RBPJ: variants seen among roughly 807,000 people sequenced by gnomAD.
The protein encoded by RBPJ is recombining binding protein suppressor of hairless.
RBPJ carries 9 observed loss-of-function variants against 67.8 expected under a neutral mutation model. The ratio of observed to expected loss-of-function variants is 0.13; its 90% confidence interval spans 0.08 to 0.23. The LOEUF (loss-of-function observed/expected upper bound fraction) is 0.23. Among genes scored for constraint, RBPJ ranks in the 10% least tolerant of loss-of-function variants. The probability of loss-of-function intolerance (pLI) is 1.00; values close to 1 mark genes in which losing one functional copy is unlikely to be tolerated. For missense variants in RBPJ, 305 were observed against 595.6 expected (o/e 0.51, Z 5.08); for synonymous variants, 198 against 203.3 (o/e 0.97, Z 0.22).
chr4:26,220,049 C>A (rs1482059337), intron 1 of RBPJ, among the ~76,000 whole-genome samples: 1 of 152,048 alleles, frequency 6.6e-6, no homozygotes, highest in Non-Finnish European at 1.5e-5. Flanking sequence ...TCCCGAAGTG[C>A]TGGGATTACA....
chr4:26,269,897 A>C (rs1476697594), intron 1 of RBPJ, among the ~76,000 whole-genome samples: 1 of 152,202 alleles, frequency 6.6e-6, no homozygotes, highest in Non-Finnish European at 1.5e-5. Context: ...CCCAGGCCTC[A>C]GTAAAAAGCA....
intron 1 of RBPJ, among the ~76,000 whole-genome samples, chr4:26,313,358 G>C (rs10015035): frequency 0.67 from 101,507 of 151,948 alleles, 34,215 homozygotes; most frequent in African/African-American, 0.75. Context: ...AGGGAGAAAC[G>C]CCATCTCTAC....
chr4:26,299,512 G>C (rs1401905035), intron 1 of RBPJ, among the ~76,000 whole-genome samples: 4 of 152,004 alleles, frequency 2.6e-5, no homozygotes, highest in Non-Finnish European at 5.9e-5. Context: ...ATTTTAGGCT[G>C]TTTTCCTCTT....
At chr4:26,165,872 C>G (rs947949404) in intron 1 of RBPJ, among the ~76,000 whole-genome samples, 2 of 130,374 alleles carry the variant, frequency 1.5e-5, no homozygotes, top group Admixed American at 1.6e-4. Context: ...CCCCCTCCCC[C>G]CACCCCACAA....
chr4:26,230,328 C>A, intron 1 of RBPJ, among the ~76,000 whole-genome samples: 1 of 152,270 alleles, frequency 6.6e-6, no homozygotes, highest in Non-Finnish European at 1.5e-5. Flanking sequence ...TTTTAACTTA[C>A]ACACTCATAA....
At chr4:26,300,606 A>G (rs1359578117) in intron 1 of RBPJ, among the ~76,000 whole-genome samples, 3 of 152,192 alleles carry the variant, frequency 2.0e-5, no homozygotes, top group Non-Finnish European at 4.4e-5. Context: ...CCTCTCTAGC[A>G]CTGATCACTC....
At chr4:26,309,217 A>G (rs1000789493) in intron 1 of RBPJ, among the ~76,000 whole-genome samples, 18 of 151,912 alleles carry the variant, frequency 1.2e-4, no homozygotes, top group Non-Finnish European at 2.4e-4. Flanking sequence ...GGGTTGTCCT[A>G]TGTTGCCCAG....
chr4:26,141,093 G>T, the RBPJ span, among the ~76,000 whole-genome samples: 1 of 152,094 alleles, frequency 6.6e-6, no homozygotes, highest in Non-Finnish European at 1.5e-5. Context: ...TTACTATCTT[G>T]GGCCTCAGCC....
At chr4:26,375,924 A>T (rs1456646257) in intron 1 of RBPJ, among the ~76,000 whole-genome samples, 1 of 152,020 alleles carries the variant, frequency 6.6e-6, no homozygotes, top group East Asian at 1.9e-4. Flanking sequence ...ATTTATATTC[A>T]TACATATACT....
chr4:26,279,094 A>G (rs924100986), intron 1 of RBPJ, among the ~76,000 whole-genome samples: 1 of 152,230 alleles, frequency 6.6e-6, no homozygotes, highest in African/African-American at 2.4e-5. Context: ...TGAAGCACCC[A>G]GCACAGTGCC....
chr4:26,220,456 G>A (rs1407639790), intron 1 of RBPJ, among the ~76,000 whole-genome samples: 2 of 152,120 alleles, frequency 1.3e-5, no homozygotes, highest in African/African-American at 2.4e-5. Context: ...AATGGGCCAG[G>A]CATCATTGTA....
intron 1 of RBPJ, among the ~76,000 whole-genome samples, chr4:26,382,014 A>C (rs1029149967): frequency 5.9e-5 from 9 of 152,114 alleles, no homozygotes; most frequent in Non-Finnish European, 1.5e-5. Context: ...TGGAGTTAAA[A>C]GGGCCCCTAG....
chr4:26,140,648 T>G, the RBPJ span, among the ~76,000 whole-genome samples: 2 of 61,938 alleles, frequency 3.2e-5, no homozygotes, highest in Non-Finnish European at 2.9e-5. Context: ...CCAAATCACA[T>G]TGCCTCTGAT....
intron 1 of RBPJ, among the ~76,000 whole-genome samples, chr4:26,311,264 C>G (rs982854252): frequency 6.6e-6 from 1 of 151,906 alleles, no homozygotes; most frequent in Non-Finnish European, 1.5e-5. Context: ...GGGCCAGGCG[C>G]GGTGGCTCAC....
intron 1 of RBPJ, among the ~76,000 whole-genome samples, chr4:26,209,098 A>AAATATATAT (rs1553848907): frequency 6.8e-6 from 1 of 146,962 alleles, no homozygotes; most frequent in African/African-American, 2.5e-5. Flanking sequence ...GAAGAAAAAA[A>AAATATATAT]ATATATATAT....
intron 1 of RBPJ, among the ~76,000 whole-genome samples, chr4:26,173,205 G>A (rs996212809): frequency 6.6e-6 from 1 of 151,678 alleles, no homozygotes; most frequent in African/African-American, 2.4e-5. Flanking sequence ...GTACGATCTC[G>A]GCTCACTGCA....
chr4:26,361,964 A>T lies in RBPJ; in HGVS notation c.21-24389A>T, dbSNP rs929412500. On this transcript the variant is annotated intron_variant, in intron 1 of 10. Transcript: ENST00000355476. Reference sequence around the variant, plus strand: ...ATGCCACTATAGAAGTAATCTTTAGAAACTGGAGCTGTTTTCAGTTTAATG... The same window carrying T: ...ATGCCACTATAGAAGTAATCTTTAGTAACTGGAGCTGTTTTCAGTTTAATG... Among the ~76,000 whole-genome samples the T allele has an allele frequency of 3.9e-5, 6 of 152,298 alleles. No homozygotes were observed. The East Asian group carries it at 1.2e-3, about 29-fold the overall frequency.
Position 26,286,456 on chromosome 4 carries a change from A to C in RBPJ, c.-166-75990A>C, listed in dbSNP as rs1294414655. Among the ~76,000 whole-genome samples, 13 of 145,900 alleles carry C rather than the reference A, an allele frequency of 8.9e-5. 1 individual carries two copies. Among genetic ancestry groups the C allele is most frequent in the African/African-American group, 3.4e-4 (13 of 38,572 alleles). ...CCACTGCACTCCAGCCTGTATGAAA[A>C]ACCGAGACCCTGCCTCAAAAAAAAA... is the stretch of plus-strand genomic sequence containing the variant. On this transcript the variant is annotated intron_variant, in intron 1 of 4. Coordinates refer to the RBPJ transcript ENST00000512351.
chr4:26,312,148 T>C (rs1185906044), intron 1 of RBPJ, among the ~76,000 whole-genome samples: 1 of 151,846 alleles, frequency 6.6e-6, no homozygotes, highest in East Asian at 1.9e-4. Context: ...TTATTTTTTT[T>C]TGAGACAGAG....
Sources: gnomAD v4.1 joint callset for allele counts (sites outside exome capture counted in the v4.1 genomes callset) on GRCh38, gnomAD v4.1.1 for gene constraint, MANE v1.5 for transcripts, NCBI Gene and HGNC (gene_info 2026-07-23, HGNC 2026-07-21) for gene names.